Variants in KNL1 observed in about 807,000 individuals in gnomAD.
The protein encoded by KNL1 is kinetochore scaffold 1, also known as outer kinetochore KNL1 complex subunit KNL1.
In KNL1, 66 loss-of-function variants were observed where a neutral mutation model predicts 201.3. The ratio of observed to expected loss-of-function variants is 0.33; its 90% confidence interval spans 0.27 to 0.40. KNL1 has a LOEUF of 0.40. Ranked by LOEUF, KNL1 falls within the 10% of genes least tolerant of loss-of-function variation. The pLI is 1.00. For missense variants in KNL1, 2,815 were observed against 2,690.5 expected (o/e 1.05, Z -1.02); for synonymous variants, 895 against 899.2 (o/e 1.00, Z 0.08).
rs778200275 is a variant in KNL1 at position 40,625,488 on chromosome 15, T to C, written c.5224T>C (p.Tyr1742His). Reference sequence around the variant, plus strand: ...TGAGGAAAAGGCCTTGATTGAGACATACCAAAAAGAGATTTCACCATATGA... The same window carrying C: ...TGAGGAAAAGGCCTTGATTGAGACACACCAAAAAGAGATTTCACCATATGA... ...ETEEKALIET[Y>H]QKEISPYENK... Residue 1742 changes from tyrosine to histidine, a missense_variant, in exon 10 of 26, where the codon TAC becomes CAC. Around this residue, in one of 3 missense-constraint regions of KNL1, gnomAD observed 2,464 missense variants for 2,291.7 expected, o/e 1.08. Transcript: ENST00000399668. 9 of 1,613,096 alleles carry C rather than the reference T, an allele frequency of 5.6e-6. No homozygotes were observed. Among genetic ancestry groups the C allele is most frequent in the Non-Finnish European group, 6.8e-6 (8 of 1,179,860 alleles).
At chr15:40,625,902 AT>A in intron 10 of KNL1, 1 of 387,866 alleles carries the variant, frequency 2.6e-6, no homozygotes, top group Non-Finnish European at 4.7e-6. Flanking sequence ...CAAAGTTAAA[AT>A]TGTATAATTT....
intron 1 of KNL1, 39 bp from the exon 2 acceptor site, chr15:40,602,876 T>A (rs1891852854): frequency 8.7e-7 from 1 of 1,153,086 alleles, no homozygotes; most frequent in African/African-American, 1.5e-5. Context: ...TTGCTCTTCC[T>A]TTTTCCTCAT....
intron 8 of KNL1, among the ~76,000 whole-genome samples, chr15:40,617,222 C>T (rs892022954): frequency 6.6e-6 from 1 of 152,222 alleles, no homozygotes; most frequent in African/African-American, 2.4e-5. Flanking sequence ...GCTTGGATTA[C>T]AGGCGTGAGC....
intron 22 of KNL1, 146 bp downstream of exon 22, chr15:40,655,123 C>G: frequency 1.7e-6 from 1 of 588,840 alleles, no homozygotes; most frequent in Non-Finnish European, 3.0e-6. Flanking sequence ...CATGGTGAAA[C>G]CCCGTCTCTG....
At chr15:40,628,499 A>G in intron 11 of KNL1, 112 bp from the exon 12 acceptor site, 1 of 784,858 alleles carries the variant, frequency 1.3e-6, no homozygotes, top group Non-Finnish European at 2.1e-6. Flanking sequence ...CTGTCTTCCC[A>G]GAAAGATCCC....
In KNL1 at chr15:40,622,066, C is replaced by G; in HGVS notation, c.1802C>G (p.Ser601Cys). ...YNLAPESTSE[S>C]HSQSKSSSDE... ...CTAGCACCGGAGAGTACCAGTGAAT[C>G]TCACTCTCAGAGCAAAAGCTCTTCA... Residue 601 changes from serine to cysteine, a missense_variant, in exon 10 of 26, where the codon TCT becomes TGT. This residue lies in a region of KNL1 where 2,464 missense variants were observed against 2,291.7 expected (regional missense o/e 1.08). Transcript: ENST00000399668. 1 of 1,613,948 alleles carries G rather than the reference C, an allele frequency of 6.2e-7. No homozygotes were observed. Among genetic ancestry groups the G allele is most frequent in the East Asian group, 2.2e-5 (1 of 44,874 alleles).
chr15:40,662,141 A>G lies in KNL1; in HGVS notation c.6904A>G (p.Lys2302Glu). The G allele has an allele frequency of 6.2e-7, 1 of 1,612,892 alleles. No homozygotes were observed. Among genetic ancestry groups the G allele is most frequent in the Non-Finnish European group, 8.5e-7 (1 of 1,178,972 alleles). The change falls in exon 26 of 26, where the codon AAG (lysine) becomes GAG (glutamate). Residue 2302 changes from lysine (K) to glutamate (E), a missense_variant. Lys to Glu is a moderately conservative substitution (Grantham distance 56, BLOSUM62 1). Around this residue, in one of 3 missense-constraint regions of KNL1, gnomAD observed 334 missense variants for 362.6 expected, o/e 0.92. Transcript: ENST00000399668. ...GAACAACTACCTGAAGAATGTAGTC[A>G]AGCAAATTTACCAAGATCTGTTTCA... ...LENNYLKNVV[K>E]QIYQDLFQDC... is the part of the protein sequence containing the mutation.
At chr15:40,653,881 C>T (rs1345597908) in intron 21 of KNL1, among the ~76,000 whole-genome samples, 4 of 152,120 alleles carry the variant, frequency 2.6e-5, no homozygotes, top group Non-Finnish European at 4.4e-5. Flanking sequence ...TGTTTTCCCC[C>T]ACTTCACTAA....
chr15:40,643,779 TAGA>T (rs1268820057), intron 14 of KNL1, among the ~76,000 whole-genome samples: 3 of 152,258 alleles, frequency 2.0e-5, no homozygotes, highest in African/African-American at 7.2e-5. Flanking sequence ...CTGTTAGTGA[TAGA>T]AGTTTTTTTG....
chr15:40,654,611 T>C (rs1893665835), intron 21 of KNL1, among the ~76,000 whole-genome samples: 1 of 149,806 alleles, frequency 6.7e-6, no homozygotes, highest in African/African-American at 2.4e-5. Context: ...GGCTCATGCC[T>C]GTAATCCCAG....
chr15:40,662,012 C>T, intron 25 of KNL1, 62 bp from the exon 26 acceptor site: 1 of 927,420 alleles, frequency 1.1e-6, no homozygotes, highest in South Asian at 1.4e-5. Context: ...GCACTCCAGC[C>T]TGGGCGACAG....
At chr15:40,646,254 C>T (rs993992488) in intron 16 of KNL1, among the ~76,000 whole-genome samples, 2 of 152,078 alleles carry the variant, frequency 1.3e-5, no homozygotes, top group Non-Finnish European at 2.9e-5. Flanking sequence ...AAAGTCTAAG[C>T]ATAAATGCTG....
intron 14 of KNL1, among the ~76,000 whole-genome samples, chr15:40,643,786 T>G (rs1893302993): frequency 6.6e-6 from 1 of 152,250 alleles, no homozygotes; most frequent in African/African-American, 2.4e-5. Flanking sequence ...TGATAGAAGT[T>G]TTTTTGATGT....
chr15:40,625,861 AAATT>A, intron 10 of KNL1: 3 of 460,958 alleles, frequency 6.5e-6, no homozygotes, highest in Non-Finnish European at 1.2e-5. Flanking sequence ...AGTCACAAAA[AAATT>A]AAATGGAAAA....
At chr15:40,628,312 T>G in intron 11 of KNL1, 104 bp downstream of exon 11, 1 of 1,221,508 alleles carries the variant, frequency 8.2e-7, no homozygotes, top group Non-Finnish European at 1.1e-6. Flanking sequence ...TATGCCTTTT[T>G]GGGGTTATAA....
rs778270996 is a variant in KNL1, at chr15:40,622,399, A to G, written c.2135A>G (p.Asn712Ser). 2 of 1,613,746 alleles carry G rather than the reference A, an allele frequency of 1.2e-6. No individual in the cohort carries two copies. The highest frequency in any genetic ancestry group is 1.3e-5 in the African/African-American group (1 of 75,046). ...TCATCAGGACAGTTCTCTATGAAAA[A>G]TCATGATACTGCTATAAGTAGTCAT... ...LFSSGQFSMK[N>S]HDTAISSHTV... Residue 712 changes from asparagine (N) to serine (S), a missense_variant, in exon 10 of 26, where the codon AAT becomes AGT. By Grantham distance (46) the Asn-to-Ser change is conservative. Coordinates refer to ENST00000399668, the MANE Select transcript of KNL1 (RefSeq NM_144508.5).
In KNL1 at chr15:40,620,660, C is replaced by A; in HGVS notation, c.396C>A (p.Thr132=). 1 of 1,576,848 alleles carries A rather than the reference C, an allele frequency of 6.3e-7. No homozygotes were observed. The highest frequency in any genetic ancestry group is 1.2e-5 in the South Asian group (1 of 85,008). The change falls in exon 10 of 26, where the codon ACC becomes ACA. Residue 132 remains threonine, a synonymous_variant. Transcript: ENST00000399668. ...QQKEFSIIEH[T]RERKHANDQT... ...TATAGTTTTCAATTATAGAACATAC[C>A]CGTGAAAGGAAACATGCAAATGACC...
At chr15:40,647,906 C>G (rs368325142) in intron 17 of KNL1, among the ~76,000 whole-genome samples, 1 of 152,206 alleles carries the variant, frequency 6.6e-6, no homozygotes, top group Non-Finnish European at 1.5e-5. Flanking sequence ...CTTTCTCTAA[C>G]TGATCCCTTG....
At chr15:40,644,472 A>G (rs1893326471) in intron 14 of KNL1, among the ~76,000 whole-genome samples, 1 of 152,220 alleles carries the variant, frequency 6.6e-6, no homozygotes, top group African/African-American at 2.4e-5. Context: ...CTCTATCTCA[A>G]CTGCAAGAGG....
Sources: allele counts gnomAD v4.1 joint callset (sites outside exome capture counted in the v4.1 genomes callset), GRCh38; gene constraint gnomAD v4.1.1; regional missense constraint gnomAD v4.1.1; transcripts MANE v1.5; gene names NCBI Gene and HGNC (gene_info 2026-07-23, HGNC 2026-07-21).